NLGN1: variants seen among roughly 807,000 people sequenced by gnomAD.
NLGN1 encodes the protein neuroligin 1.
NLGN1 carries 12 observed loss-of-function variants against 65.5 expected under a neutral mutation model. The ratio of observed to expected loss-of-function variants is 0.18; its 90% CI spans 0.12 to 0.30. The LOEUF (loss-of-function observed/expected upper bound fraction) is 0.30, where lower values mean the gene tolerates loss of function less well. Among genes scored for constraint, NLGN1 ranks in the 10% least tolerant of loss-of-function variants. The pLI is 1.00. For synonymous variants in NLGN1, 350 were observed against 359.5 expected, an observed-to-expected ratio of 0.97 and a Z score of 0.30; for missense variants, 750 against 1,007.1, an observed-to-expected ratio of 0.74 and a Z score of 3.46.
chr3:173,593,226 A>G (rs927798536), intron 2 of NLGN1, among the ~76,000 whole-genome samples: 2 of 152,096 alleles, frequency 1.3e-5, no homozygotes, highest in South Asian at 2.1e-4. Flanking sequence ...AGTCTTTTTA[A>G]AACAATTATT....
downstream of NLGN1, among the ~76,000 whole-genome samples, chr3:174,289,778 C>T (rs911885591): frequency 6.7e-6 from 1 of 150,222 alleles, no homozygotes; most frequent in Non-Finnish European, 1.5e-5. Context: ...ATTCTAATCC[C>T]TTAGTCTTTT....
rs147037081 is a variant in NLGN1, at chr3:174,274,530, T to A, written c.647-785T>A. Among the ~76,000 whole-genome samples, 1,147 of 151,602 alleles carry A rather than the reference T, an allele frequency of 7.6e-3. 9 individuals carry two copies. Among genetic ancestry groups the A allele is most frequent in the African/African-American group, 0.025 (1,033 of 41,432 alleles). ...CCCCTACCTCCGTTTTCTCTCCCCCTCATTTTCAGATTCACCTCATTTTCC... is the reference window on the plus strand; with the variant it reads ...CCCCTACCTCCGTTTTCTCTCCCCCACATTTTCAGATTCACCTCATTTTCC... On this transcript the variant is annotated intron_variant, in intron 4 of 6. Transcript: ENST00000457714.
intron 4 of NLGN1, among the ~76,000 whole-genome samples, chr3:174,027,174 T>G (rs1729016338): frequency 6.6e-6 from 1 of 152,074 alleles, no homozygotes; most frequent in Non-Finnish European, 1.5e-5. Flanking sequence ...TCCTGCATAC[T>G]ATAACACACA....
At chr3:174,258,977 CT>C (rs1414876602) in intron 4 of NLGN1, among the ~76,000 whole-genome samples, 1 of 151,924 alleles carries the variant, frequency 6.6e-6, no homozygotes, top group East Asian at 1.9e-4. Flanking sequence ...TTCTGTAATA[CT>C]GAAAGTATTG....
At chr3:173,585,622 T>G (rs1415408077) in intron 2 of NLGN1, among the ~76,000 whole-genome samples, 1 of 152,184 alleles carries the variant, frequency 6.6e-6, no homozygotes, top group Non-Finnish European at 1.5e-5. Context: ...TTGCACGACT[T>G]TCCATAATAC....
chr3:173,998,642 A>G (rs932883349), intron 4 of NLGN1, among the ~76,000 whole-genome samples: 1 of 152,168 alleles, frequency 6.6e-6, no homozygotes, highest in African/African-American at 2.4e-5. Context: ...AATTAAGTCT[A>G]CTTACACTGC....
rs796635283 is a variant in NLGN1 at position 173,492,737 on chromosome 3, T to C, written c.-321+57659T>C. Among the ~76,000 whole-genome samples the C allele has an allele frequency of 7.2e-5, 11 of 151,866 alleles. 1 individual carries two copies. The highest frequency in any genetic ancestry group is 2.7e-4 in the African/African-American group (11 of 41,266). On this transcript the variant is annotated intron_variant, in intron 2 of 6. Coordinates refer to ENST00000457714, the Ensembl canonical transcript of NLGN1. ...ATAGTTTACTGTATCAGTACAAAAGTAGAATAGGTTGGAAGAAAACCAAAG... is the reference window on the plus strand; with the variant it reads ...ATAGTTTACTGTATCAGTACAAAAGCAGAATAGGTTGGAAGAAAACCAAAG...
At chr3:174,264,678 C>T (rs1227688315) in intron 4 of NLGN1, among the ~76,000 whole-genome samples, 1 of 151,656 alleles carries the variant, frequency 6.6e-6, no homozygotes, top group Non-Finnish European at 1.5e-5. Flanking sequence ...CTTCTCCCCT[C>T]AGCTCGTCAA....
intron 2 of NLGN1, among the ~76,000 whole-genome samples, chr3:173,497,641 T>C (rs1335767591): frequency 6.6e-6 from 1 of 151,742 alleles, no homozygotes; most frequent in East Asian, 1.9e-4. Context: ...TGTCTTCAAA[T>C]CAATTCCTGC....
chr3:174,047,842 A>G (rs904488489), intron 4 of NLGN1, among the ~76,000 whole-genome samples: 3 of 152,032 alleles, frequency 2.0e-5, no homozygotes, highest in African/African-American at 7.2e-5. Flanking sequence ...GATTTTTAAG[A>G]CAAAGTTAAT....
chr3:173,560,582 T>A (rs1162157523), intron 2 of NLGN1, among the ~76,000 whole-genome samples: 1 of 152,144 alleles, frequency 6.6e-6, no homozygotes, highest in East Asian at 1.9e-4. Context: ...TAGCACCAGT[T>A]TTACTACAGG....
chr3:173,397,285 G>A (rs776500106), upstream of NLGN1, among the ~76,000 whole-genome samples: 4 of 152,148 alleles, frequency 2.6e-5, no homozygotes, highest in Admixed American at 6.5e-5. Context: ...AGACGAAGCC[G>A]TGTCTAAATA....
At chr3:173,610,741 T>C (rs559097648) in intron 3 of NLGN1, among the ~76,000 whole-genome samples, 41 of 151,972 alleles carry the variant, frequency 2.7e-4, no homozygotes, top group African/African-American at 8.9e-4. Flanking sequence ...AAATTAACTT[T>C]TGTGGGGTGG....
At chr3:173,722,657 C>G (rs1276070993) in intron 3 of NLGN1, among the ~76,000 whole-genome samples, 1 of 152,166 alleles carries the variant, frequency 6.6e-6, no homozygotes, top group Non-Finnish European at 1.5e-5. Context: ...AATCCAGAGT[C>G]TGTCACACAT....
At chr3:173,747,795 C>CTTTTTTTTTTT (rs1560289220) in intron 3 of NLGN1, among the ~76,000 whole-genome samples, 2 of 78,574 alleles carry the variant, frequency 2.5e-5, no homozygotes, top group African/African-American at 1.2e-4. Flanking sequence ...TCTTCTTCTT[C>CTTTTTTTTTTT]TTGTTCTTTT....
At chr3:174,131,290 G>A (rs9877096) in intron 4 of NLGN1, among the ~76,000 whole-genome samples, 22,207 of 152,086 alleles carry the variant, frequency 0.15, 2,837 homozygotes, top group African/African-American at 0.34. Context: ...GCACTACTCT[G>A]TTAATAAGTG....
chr3:173,429,435 A>G (rs913906048), intron 1 of NLGN1, among the ~76,000 whole-genome samples: 1 of 152,176 alleles, frequency 6.6e-6, no homozygotes, highest in African/African-American at 2.4e-5. Context: ...CCTCAAAACT[A>G]CTGTTTTGAA....
At chr3:174,239,176 C>T (rs1476260576) in intron 4 of NLGN1, among the ~76,000 whole-genome samples, 1 of 152,032 alleles carries the variant, frequency 6.6e-6, no homozygotes, top group Non-Finnish European at 1.5e-5. Context: ...TCAAGTGATT[C>T]TCCTGCCTCA....
intron 5 of NLGN1, among the ~76,000 whole-genome samples, chr3:174,278,080 G>A (rs1274579562): frequency 6.6e-6 from 1 of 151,926 alleles, no homozygotes; most frequent in East Asian, 1.9e-4. Context: ...CAATTAAAAA[G>A]CAGTGGACCA....
Sources: allele counts gnomAD v4.1 joint callset (sites outside exome capture counted in the v4.1 genomes callset), GRCh38; gene constraint gnomAD v4.1.1; transcripts MANE v1.5; gene names NCBI Gene and HGNC (gene_info 2026-07-23, HGNC 2026-07-21).